The following FANCD2 variants were observed in gnomAD, a reference collection of about 807,000 sequenced individuals.
FANCD2 encodes Fanconi anemia group D2 protein.
In FANCD2, 131 loss-of-function variants were observed where a neutral mutation model predicts 192.3. The ratio of observed to expected loss-of-function variants is 0.68; its 90% CI spans 0.59 to 0.79. The LOEUF is 0.79. Ranked by LOEUF, FANCD2 falls within the 30% of genes least tolerant of loss-of-function variation. The probability of loss-of-function intolerance (pLI) is 0.00; values close to 1 mark genes in which losing one functional copy is unlikely to be tolerated. For synonymous variants in FANCD2, 524 were observed against 612.5 expected, an observed-to-expected ratio of 0.86 and a Z score of 2.13; for missense variants, 1,508 against 1,701.6, an observed-to-expected ratio of 0.89 and a Z score of 2.00.
At chr3:10,079,919 T>G (rs956284415) in intron 30 of FANCD2, among the ~76,000 whole-genome samples, 5 of 151,186 alleles carry the variant, frequency 3.3e-5, no homozygotes, top group African/African-American at 7.4e-5. Flanking sequence ...CTTCTTCGTC[T>G]TCTTTTTTTT....
intron 17 of FANCD2, among the ~76,000 whole-genome samples, chr3:10,051,156 G>A (rs1295107246): frequency 3.2e-4 from 48 of 151,066 alleles, no homozygotes; most frequent in Non-Finnish European, 4.6e-4. Flanking sequence ...CGAGGTGGGC[G>A]GATCACGAGG....
intron 14 of FANCD2, among the ~76,000 whole-genome samples, chr3:10,044,483 T>C (rs561395054): frequency 6.6e-6 from 1 of 151,922 alleles, no homozygotes; most frequent in Non-Finnish European, 1.5e-5. Context: ...GCCTGGCCAA[T>C]GTAGCGAAAC....
rs376442380 is a variant in FANCD2 at position 10,098,852 on chromosome 3, G to A, written c.4281+37G>A. On this transcript the variant is annotated intron_variant, in intron 43 of 43. Transcript: ENST00000675286. ...AAACCCACCAGAGTCTGGCACTGAT[G>A]GTTGCATTTTGTTAATTGTTCTAAG... 1.4e-4 allele frequency: 233 copies of A among 1,614,030 alleles called. No individual in the cohort carries two copies. Among genetic ancestry groups the A allele is most frequent in the Non-Finnish European group, 1.9e-4 (221 of 1,180,040 alleles).
chr3:10,067,901 A>G (rs578026710), intron 26 of FANCD2, among the ~76,000 whole-genome samples: 3 of 152,340 alleles, frequency 2.0e-5, no homozygotes, highest in African/African-American at 7.2e-5. Context: ...GATACCTCCT[A>G]TCAACAGAAT....
chr3:10,096,518 T>C (rs1229848585), intron 42 of FANCD2, 46 bp downstream of exon 42: 4 of 1,587,262 alleles, frequency 2.5e-6, no homozygotes, highest in Non-Finnish European at 3.5e-6. Context: ...TCTTATTCTT[T>C]GTGACAGCAT....
At position 10,041,837 on chromosome 3, in the gene FANCD2, T is replaced by C. The variant is rs559831106; in HGVS notation, c.783+127T>C. 2,415 of 663,288 alleles carry C rather than the reference T, an allele frequency of 3.6e-3. 72 individuals are homozygous for C. The South Asian group carries it at 0.038, about 10-fold the overall frequency. The allele number at this position is 663,288 out of a possible 1,614,324, so 41.1% of individuals were successfully genotyped here. ...AAACCATAGTGAATCACATTTGATA[T>C]CTCTCTTTTTTTTTTTTTTTCCCCT... On this transcript the variant is annotated intron_variant, in intron 10 of 43. Coordinates refer to ENST00000675286, the MANE Select transcript of FANCD2 (RefSeq NM_001018115.3).
chr3:10,101,666 A>G lies in FANCD2; in HGVS notation c.*404A>G. On this transcript the variant is annotated 3_prime_UTR_variant, in exon 44 of 44. Coordinates refer to ENST00000675286, the MANE Select transcript of FANCD2 (RefSeq NM_001018115.3). ...CCAAAGTGCTGGGATTACAGGCATG[A>G]GCCACCGCTCCCAGCCATATTTTGT... is the stretch of plus-strand genomic sequence containing the variant. 3.4e-6 allele frequency: 1 copy of G among 291,824 alleles called. No homozygotes were observed. The highest frequency in any genetic ancestry group is 6.6e-6 in the Non-Finnish European group (1 of 152,336). The allele number at this position is 291,824 out of a possible 1,614,324, so 18.1% of individuals were successfully genotyped here.
intron 42 of FANCD2, among the ~76,000 whole-genome samples, chr3:10,098,498 C>T (rs1165125494): frequency 6.6e-6 from 1 of 152,156 alleles, no homozygotes; most frequent in African/African-American, 2.4e-5. Flanking sequence ...TAAGATGAAC[C>T]TTTCGTTACA....
intron 17 of FANCD2, among the ~76,000 whole-genome samples, chr3:10,050,418 A>T (rs1211705688): frequency 6.6e-6 from 1 of 151,824 alleles, no homozygotes; most frequent in African/African-American, 2.4e-5. Flanking sequence ...AGGTCAGGAG[A>T]TCAAGACCAT....
At chr3:10,091,823 A>G (rs997880186) in intron 37 of FANCD2, among the ~76,000 whole-genome samples, 4 of 152,232 alleles carry the variant, frequency 2.6e-5, no homozygotes, top group Non-Finnish European at 5.9e-5. Context: ...CACCGGGTGC[A>G]GTGGCGCACG....
chr3:10,087,281 C>CAT lies in FANCD2; in HGVS notation c.3466+17_3466+18insAT. On this transcript the variant is annotated intron_variant, in intron 34 of 43. Coordinates refer to ENST00000675286, the MANE Select transcript of FANCD2 (RefSeq NM_001018115.3). The stretch of plus-strand genomic sequence containing the variant: ...AAAAAATTGGTGATGGGCCTAGATC[C>CAT]TTTTTTTTTTTTTTTTTTTAATGAA... 1 of 1,310,524 alleles carries CAT rather than the reference C, an allele frequency of 7.6e-7. No individual in the cohort carries two copies. Among genetic ancestry groups the CAT allele is most frequent in the Non-Finnish European group, 1.0e-6 (1 of 996,802 alleles). The allele number at this position is 1,310,524 out of a possible 1,614,324, so 81.2% of individuals were successfully genotyped here.
At chr3:10,097,089 G>A (rs1411476120) in intron 42 of FANCD2, among the ~76,000 whole-genome samples, 1 of 152,212 alleles carries the variant, frequency 6.6e-6, no homozygotes, top group Admixed American at 6.5e-5. Flanking sequence ...TTCAAAAGGG[G>A]AGGGAGTGTG....
At chr3:10,077,980 C>G (rs1255784977) in intron 29 of FANCD2, 101 bp from the exon 30 acceptor site, 12 of 840,004 alleles carry the variant, frequency 1.4e-5, no homozygotes, top group African/African-American at 3.3e-5. Flanking sequence ...GCTGGAATAG[C>G]TATGATCTTG....
intron 16 of FANCD2, among the ~76,000 whole-genome samples, chr3:10,048,718 T>C (rs2087106837): frequency 6.6e-6 from 1 of 152,244 alleles, no homozygotes; most frequent in Non-Finnish European, 1.5e-5. Context: ...ATATTCTTCC[T>C]GTCATTAACA....
intron 29 of FANCD2, among the ~76,000 whole-genome samples, chr3:10,075,572 G>A (rs1347277453): frequency 6.6e-6 from 1 of 152,152 alleles, no homozygotes; most frequent in Non-Finnish European, 1.5e-5. Context: ...TTATATAGAA[G>A]TTGGGAGTAG....
intron 36 of FANCD2, among the ~76,000 whole-genome samples, chr3:10,089,403 A>T (rs912662075): frequency 6.6e-6 from 1 of 152,166 alleles, no homozygotes. Flanking sequence ...TTCAATAAAG[A>T]GAGTCTGTTA....
intron 29 of FANCD2, among the ~76,000 whole-genome samples, chr3:10,077,182 G>A (rs1693584298): frequency 6.6e-6 from 1 of 151,902 alleles, no homozygotes; most frequent in South Asian, 2.1e-4. Context: ...GCAGTGAGCT[G>A]TGAACACAAT....
At chr3:10,099,670 ATCAC>A (rs1695188886) in intron 43 of FANCD2, 1 of 153,290 alleles carries the variant, frequency 6.5e-6, no homozygotes, top group South Asian at 2.1e-4. Flanking sequence ...AGGCAGGAGA[ATCAC>A]TTGAACCTGG....
chr3:10,071,147 GAA>G (rs796952061), intron 26 of FANCD2, among the ~76,000 whole-genome samples: 10 of 127,936 alleles, frequency 7.8e-5, no homozygotes, highest in South Asian at 2.5e-4. Flanking sequence ...AAGAAAAAAA[GAA>G]AAAAAAAAAA....
Sources: allele counts gnomAD v4.1 joint callset (sites outside exome capture counted in the v4.1 genomes callset), GRCh38; gene constraint gnomAD v4.1.1; transcripts MANE v1.5; gene names NCBI Gene and HGNC (gene_info 2026-07-23, HGNC 2026-07-21).